Variants in CNTNAP5 observed in about 807,000 individuals in gnomAD.
CNTNAP5 encodes the protein contactin associated protein family member 5.
In CNTNAP5, 72 loss-of-function variants were observed where a neutral mutation model predicts 150.2. The ratio of observed to expected loss-of-function variants is 0.48; its 90% CI spans 0.40 to 0.58. The LOEUF is 0.58. Among genes scored for constraint, CNTNAP5 ranks in the 20% least tolerant of loss-of-function variants. The pLI, the probability that CNTNAP5 is intolerant of heterozygous loss-of-function variation, is 0.00. For synonymous variants in CNTNAP5, 672 were observed against 619.8 expected (o/e 1.08, Z -1.25); for missense variants, 1,636 against 1,626.2 (o/e 1.01, Z -0.10).
intron 3 of CNTNAP5, among the ~76,000 whole-genome samples, chr2:124,302,989 T>G (rs891550285): frequency 3.3e-5 from 5 of 152,202 alleles, no homozygotes; most frequent in Non-Finnish European, 1.5e-5. Context: ...TCTGACTACG[T>G]AGATTTGCTC....
chr2:124,527,432 T>C lies in CNTNAP5; in HGVS notation c.1625T>C (p.Ile542Thr). ...GSLGNFSDLHIDLCSIKDRCL... is the reference protein window; with the variant it reads ...GSLGNFSDLHTDLCSIKDRCL... ...CTGGGGAATTTTAGTGATTTACACA[T>C]TGATCTGTGTAGCATCAAAGACAGG... is the stretch of plus-strand genomic sequence containing the variant. Residue 542 changes from isoleucine to threonine, a missense_variant, in exon 10 of 24, where the codon ATT (isoleucine) becomes ACT (threonine). Transcript: ENST00000682447. 6.2e-7 allele frequency: 1 copy of C among 1,613,462 alleles called. No homozygotes were observed. Among genetic ancestry groups the C allele is most frequent in the South Asian group, 1.1e-5 (1 of 91,068 alleles).
At chr2:124,753,948 G>C (rs6739388) in intron 14 of CNTNAP5, among the ~76,000 whole-genome samples, 100,553 of 151,594 alleles carry the variant, frequency 0.66, 34,192 homozygotes, top group East Asian at 0.96. Context: ...TTGTTTTGGT[G>C]AATGCATGTC....
At chr2:124,370,665 T>C (rs1367239299) in intron 3 of CNTNAP5, among the ~76,000 whole-genome samples, 2 of 152,116 alleles carry the variant, frequency 1.3e-5, no homozygotes, top group Non-Finnish European at 2.9e-5. Flanking sequence ...AGATTTGATA[T>C]CACAATTTGA....
At chr2:124,397,318 T>C (rs973648298) in intron 3 of CNTNAP5, among the ~76,000 whole-genome samples, 1 of 152,178 alleles carries the variant, frequency 6.6e-6, no homozygotes, top group African/African-American at 2.4e-5. Flanking sequence ...AAGATTAAGG[T>C]GCTGGAAGAT....
intron 17 of CNTNAP5, among the ~76,000 whole-genome samples, chr2:124,788,863 C>G (rs940340204): frequency 2.0e-5 from 3 of 152,084 alleles, no homozygotes; most frequent in African/African-American, 7.2e-5. Flanking sequence ...GAACTCCTGA[C>G]CTCAAATGAT....
At chr2:124,496,913 A>G (rs1477400897) in intron 7 of CNTNAP5, among the ~76,000 whole-genome samples, 2 of 152,148 alleles carry the variant, frequency 1.3e-5, no homozygotes, top group Admixed American at 1.3e-4. Flanking sequence ...GTCGTAGCCT[A>G]TCCATAGCTA....
At chr2:124,435,324 G>C (rs1231468208) in intron 5 of CNTNAP5, among the ~76,000 whole-genome samples, 1 of 152,094 alleles carries the variant, frequency 6.6e-6, no homozygotes, top group Non-Finnish European at 1.5e-5. Flanking sequence ...TTGCACTCCA[G>C]GCAGGTCGCG....
intron 1 of CNTNAP5, among the ~76,000 whole-genome samples, chr2:124,100,465 G>A (rs181418623): frequency 2.7e-4 from 41 of 152,192 alleles, no homozygotes; most frequent in South Asian, 1.0e-3. Context: ...TAACTAATAC[G>A]TATAATAAGA....
At chr2:124,399,552 A>G (rs1352598034) in intron 3 of CNTNAP5, among the ~76,000 whole-genome samples, 2 of 151,930 alleles carry the variant, frequency 1.3e-5, no homozygotes, top group Non-Finnish European at 2.9e-5. Context: ...CTGGGGAGGA[A>G]ATAAGGATGA....
intron 7 of CNTNAP5, among the ~76,000 whole-genome samples, chr2:124,480,941 A>C (rs1478642919): frequency 6.6e-6 from 1 of 152,218 alleles, no homozygotes; most frequent in Non-Finnish European, 1.5e-5. Context: ...ATGAAGAATA[A>C]TGTGCCTTAA....
chr2:124,485,360 T>TC (rs1693846350), intron 7 of CNTNAP5, among the ~76,000 whole-genome samples: 1 of 151,988 alleles, frequency 6.6e-6, no homozygotes, highest in African/African-American at 2.4e-5. Context: ...ACGCCTGTAA[T>TC]CCCAGCACTT....
At chr2:124,402,590 G>A (rs953704787) in intron 3 of CNTNAP5, among the ~76,000 whole-genome samples, 2 of 152,182 alleles carry the variant, frequency 1.3e-5, no homozygotes, top group African/African-American at 2.4e-5. Context: ...ACCAGGCAAA[G>A]CAAGCAGGGT....
At position 124,860,452 on chromosome 2, in the gene CNTNAP5, TTTCCTTCCTTCCTTCCTTCC is replaced by T. The variant is rs1184201565; in HGVS notation, c.3218-4822_3218-4803del. 0.011 allele frequency among the ~76,000 whole-genome samples: 532 copies of T among 48,244 alleles called. 28 individuals are homozygous for T. The East Asian group carries it at 0.12, about 11-fold the overall frequency. 31.6% of individuals were successfully genotyped at this position (48,244 alleles called of 152,430 possible). ...CCTTCCTTCCTTCCTTCCTTCCTTC[TTTCCTTCCTTCCTTCCTTCC>T]TTCCTTCCTTCCTTCCTTCCTTCCT... On this transcript the variant is annotated intron_variant, in intron 19 of 23. Coordinates refer to ENST00000682447, the MANE Select transcript of CNTNAP5 (RefSeq NM_001367498.1).
chr2:124,665,255 A>G (rs1678674386), intron 13 of CNTNAP5, among the ~76,000 whole-genome samples: 1 of 152,222 alleles, frequency 6.6e-6, no homozygotes, highest in South Asian at 2.1e-4. Context: ...AGAAAAATCC[A>G]TCAGACCTCT....
intron 10 of CNTNAP5, among the ~76,000 whole-genome samples, chr2:124,535,606 C>CAAAAAA (rs1168717177): frequency 3.9e-5 from 3 of 76,012 alleles, no homozygotes; most frequent in Non-Finnish European, 7.6e-5. Flanking sequence ...TACTGAAATA[C>CAAAAAA]AAAAAAAAAA....
intron 3 of CNTNAP5, among the ~76,000 whole-genome samples, chr2:124,284,366 A>G (rs2104626457): frequency 6.6e-6 from 1 of 152,214 alleles, no homozygotes; most frequent in Non-Finnish European, 1.5e-5. Flanking sequence ...TCATGAGAAG[A>G]GTTGGGGTTT....
chr2:124,691,922 G>A (rs1447054063), intron 13 of CNTNAP5, among the ~76,000 whole-genome samples: 1 of 152,120 alleles, frequency 6.6e-6, no homozygotes, highest in African/African-American at 2.4e-5. Context: ...AGGCTGCCTT[G>A]CCACTATGAT....
At chr2:124,191,162 C>A (rs1426867146) in intron 1 of CNTNAP5, among the ~76,000 whole-genome samples, 1 of 152,126 alleles carries the variant, frequency 6.6e-6, no homozygotes. Context: ...TGTTTTCTGA[C>A]TAAGATCTGA....
In CNTNAP5 at chr2:124,563,286, C is replaced by T. The variant is rs1200498970; in HGVS notation, c.1719C>T (p.Cys573=). 1 of 1,577,034 alleles carries T rather than the reference C, an allele frequency of 6.3e-7. No homozygotes were observed. The highest frequency in any genetic ancestry group is 8.6e-7 in the Non-Finnish European group (1 of 1,160,274). ...CCTGGACTACCTTCTATTGTAACTGCAGTGACACAAGTTACACTGGTGCCA... is the reference window on the plus strand; with the variant it reads ...CCTGGACTACCTTCTATTGTAACTGTAGTGACACAAGTTACACTGGTGCCA... ...SQSWTTFYCN[C]SDTSYTGATC... The change falls in exon 11 of 24, where the codon TGC becomes TGT. Residue 573 remains cysteine (C), a synonymous_variant. Coordinates refer to ENST00000682447, the MANE Select transcript of CNTNAP5 (RefSeq NM_001367498.1).
Sources: allele counts gnomAD v4.1 joint callset (sites outside exome capture counted in the v4.1 genomes callset), GRCh38; gene constraint gnomAD v4.1.1; transcripts MANE v1.5; gene names NCBI Gene and HGNC (gene_info 2026-07-23, HGNC 2026-07-21).